Variants in SEMA5A observed in about 807,000 individuals in gnomAD.
SEMA5A encodes semaphorin-5A.
In SEMA5A, 55 loss-of-function variants were observed where a neutral mutation model predicts 135.5. That is an observed-to-expected ratio of 0.41 (90% confidence interval 0.33 to 0.51). SEMA5A has a LOEUF of 0.51. SEMA5A is among the 20% of genes least tolerant of loss of function. The probability of loss-of-function intolerance (pLI) is 0.37; values close to 1 mark genes in which losing one functional copy is unlikely to be tolerated. For synonymous variants in SEMA5A, 580 were observed against 546.5 expected (o/e 1.06, Z -0.85); for missense variants, 1,290 against 1,419.9 (o/e 0.91, Z 1.47).
Position 9,063,123 on chromosome 5 carries a change from G to A in SEMA5A, c.2300-18C>T. 1 of 1,597,156 alleles carries A rather than the reference G, an allele frequency of 6.3e-7. No homozygotes were observed. Among genetic ancestry groups the A allele is most frequent in the Non-Finnish European group, 8.5e-7 (1 of 1,170,018 alleles). ...AGAAAGCCCTGCCAAGGAAACAGGT[G>A]AAGTGTGATTCTGTTACAAGTTTCA... is the stretch of plus-strand genomic sequence containing the variant. On this transcript the variant is annotated intron_variant, in intron 17 of 22. Coordinates refer to ENST00000382496, the MANE Select transcript of SEMA5A (RefSeq NM_003966.3).
intron 1 of SEMA5A, among the ~76,000 whole-genome samples, chr5:9,462,325 C>G (rs1421025153): frequency 6.6e-6 from 1 of 152,148 alleles, no homozygotes; most frequent in Non-Finnish European, 1.5e-5. Flanking sequence ...CAAAAAATAA[C>G]AGATGCTGGC....
chr5:9,353,359 A>AAAGGAAAGGG lies in SEMA5A; in HGVS notation c.125-15548_125-15547insCCCTTTCCTT, dbSNP rs1561177942. Among the ~76,000 whole-genome samples, 45 of 100,950 alleles carry AAAGGAAAGGG rather than the reference A, an allele frequency of 4.5e-4. 1 individual carries two copies. Among genetic ancestry groups the AAAGGAAAGGG allele is most frequent in the Non-Finnish European group, 6.7e-4 (28 of 42,102 alleles). 66.2% of individuals were successfully genotyped at this position (100,950 alleles called of 152,430 possible). ...AAATGAAAGGAAAGGAAAGGGAAGG[A>AAAGGAAAGGG]AAGGAAAGGAAAGGAAAGGAAAGGA... On this transcript the variant is annotated intron_variant, in intron 3 of 22. Coordinates refer to ENST00000382496, the MANE Select transcript of SEMA5A (RefSeq NM_003966.3).
intron 3 of SEMA5A, among the ~76,000 whole-genome samples, chr5:9,379,167 G>A (rs2126475221): frequency 6.6e-6 from 1 of 152,202 alleles, no homozygotes; most frequent in East Asian, 1.9e-4. Context: ...CTTGTTGCAT[G>A]AATTACTGAA....
intron 2 of SEMA5A, among the ~76,000 whole-genome samples, chr5:9,433,142 G>T (rs1007537025): frequency 1.3e-5 from 2 of 152,086 alleles, no homozygotes; most frequent in Admixed American, 1.3e-4. Context: ...ATTGGGGATT[G>T]ATTTTTTTCA....
intron 3 of SEMA5A, among the ~76,000 whole-genome samples, chr5:9,365,978 T>C (rs955429406): frequency 6.6e-6 from 1 of 152,326 alleles, no homozygotes; most frequent in East Asian, 1.9e-4. Context: ...GCTTACTCTT[T>C]GCATCTAGTT....
At chr5:9,149,374 T>C (rs1742508776) in intron 12 of SEMA5A, among the ~76,000 whole-genome samples, 1 of 152,178 alleles carries the variant, frequency 6.6e-6, no homozygotes, top group Non-Finnish European at 1.5e-5. Context: ...CCAGGTGCGG[T>C]GGCCTATGCC....
intron 1 of SEMA5A, among the ~76,000 whole-genome samples, chr5:9,512,560 T>C (rs1318459491): frequency 1.3e-5 from 2 of 152,132 alleles, no homozygotes; most frequent in Admixed American, 6.6e-5. Flanking sequence ...CAGATGTTCA[T>C]AGTAACTGAG....
At position 9,379,864 on chromosome 5, in the gene SEMA5A, G is replaced by T. The variant is rs574998704; in HGVS notation, c.83C>A (p.Thr28Asn). The T allele has an allele frequency of 6.2e-7, 1 of 1,614,072 alleles. No homozygotes were observed. The highest frequency in any genetic ancestry group is 1.7e-5 in the Admixed American group (1 of 60,014). The change falls in exon 3 of 23, where the codon ACT (threonine) becomes AAT (asparagine). Residue 28 changes from threonine to asparagine, a missense_variant. Thr to Asn is a moderately conservative substitution (Grantham distance 65). This residue lies in a region of SEMA5A where 116 missense variants were observed against 121.3 expected (regional missense o/e 0.96). Coordinates refer to ENST00000382496, the MANE Select transcript of SEMA5A (RefSeq NM_003966.3). ...RLAHPEAQGT[T>N]QCQRTEHPVI... ...TGGATGCTCGGTTCTCTGGCACTGA[G>T]TCGTACCCTGGGCCTCTGGGTGGGC...
chr5:9,315,781 G>A (rs1288040906), intron 5 of SEMA5A, among the ~76,000 whole-genome samples: 1 of 152,110 alleles, frequency 6.6e-6, no homozygotes, highest in East Asian at 1.9e-4. Context: ...CCCATTGCTG[G>A]TGAAGTTCCC....
At chr5:9,144,927 T>C (rs1182798090) in intron 12 of SEMA5A, among the ~76,000 whole-genome samples, 1 of 152,170 alleles carries the variant, frequency 6.6e-6, no homozygotes, top group Admixed American at 6.5e-5. Context: ...AGCAAATGAT[T>C]GGCTGGTCAG....
chr5:9,202,636 G>A (rs757407873), intron 8 of SEMA5A, among the ~76,000 whole-genome samples: 1 of 152,178 alleles, frequency 6.6e-6, no homozygotes, highest in Non-Finnish European at 1.5e-5. Flanking sequence ...ATGAAATGTG[G>A]TTCAGAATAT....
intron 8 of SEMA5A, among the ~76,000 whole-genome samples, chr5:9,203,039 G>A (rs745529499): frequency 2.1e-4 from 32 of 152,138 alleles, no homozygotes; most frequent in Non-Finnish European, 3.8e-4. Flanking sequence ...AGGAATTTAG[G>A]AAATATACAT....
chr5:9,407,324 T>C (rs2126590114), intron 2 of SEMA5A, among the ~76,000 whole-genome samples: 1 of 152,336 alleles, frequency 6.6e-6, no homozygotes, highest in African/African-American at 2.4e-5. Flanking sequence ...AATACGATCT[T>C]ACAGAAAGTG....
At chr5:9,277,512 A>G (rs1203667216) in intron 5 of SEMA5A, among the ~76,000 whole-genome samples, 1 of 152,194 alleles carries the variant, frequency 6.6e-6, no homozygotes, top group Non-Finnish European at 1.5e-5. Context: ...AGACACATGC[A>G]CACATATATT....
chr5:9,324,929 A>C (rs1236046756), intron 4 of SEMA5A, among the ~76,000 whole-genome samples: 1 of 152,216 alleles, frequency 6.6e-6, no homozygotes, highest in Non-Finnish European at 1.5e-5. Context: ...AGTCTCCCTA[A>C]CAGGGCAATG....
intron 18 of SEMA5A, among the ~76,000 whole-genome samples, chr5:9,055,484 T>C (rs1482756054): frequency 1.3e-5 from 2 of 152,324 alleles, no homozygotes; most frequent in African/African-American, 2.4e-5. Flanking sequence ...GGGCATAAGA[T>C]TGTTTTAGCT....
At chr5:9,418,414 A>G (rs1757356659) in intron 2 of SEMA5A, among the ~76,000 whole-genome samples, 1 of 152,226 alleles carries the variant, frequency 6.6e-6, no homozygotes, top group Non-Finnish European at 1.5e-5. Context: ...AGGGGACACA[A>G]ACATTCAGTC....
At chr5:9,304,186 C>G (rs1751748288) in intron 5 of SEMA5A, among the ~76,000 whole-genome samples, 1 of 151,934 alleles carries the variant, frequency 6.6e-6, no homozygotes, top group Non-Finnish European at 1.5e-5. Flanking sequence ...TCTTTGTTGT[C>G]TATATAATTT....
chr5:9,129,938 T>A (rs1396062023), intron 13 of SEMA5A, among the ~76,000 whole-genome samples: 2 of 152,216 alleles, frequency 1.3e-5, no homozygotes, highest in African/African-American at 4.8e-5. Flanking sequence ...GTCCAGAGCC[T>A]ATGATCTCAA....
Sources: gnomAD v4.1 joint callset for allele counts (sites outside exome capture counted in the v4.1 genomes callset) on GRCh38, gnomAD v4.1.1 for gene constraint, gnomAD v4.1.1 regional missense constraint, MANE v1.5 for transcripts, NCBI Gene and HGNC (gene_info 2026-07-23, HGNC 2026-07-21) for gene names.